The following CNOT7 variants were observed in gnomAD, a reference collection of about 807,000 sequenced individuals.
CNOT7 encodes the protein BTG1-binding factor 1.
Under a neutral mutation model 37.1 loss-of-function variants are expected in CNOT7, and 4 were observed. The observed-to-expected ratio is 0.11, with a 90% CI of 0.05 to 0.25. The LOEUF (loss-of-function observed/expected upper bound fraction) is 0.25. Ranked by LOEUF, CNOT7 falls within the 10% of genes least tolerant of loss-of-function variation. The probability of loss-of-function intolerance (pLI) is 1.00; values close to 1 mark genes in which losing one functional copy is unlikely to be tolerated. For missense variants in CNOT7, 170 were observed against 336.2 expected, an observed-to-expected ratio of 0.51 and a Z score of 3.87; for synonymous variants, 128 against 115.6, an observed-to-expected ratio of 1.11 and a Z score of -0.69.
intron 3 of CNOT7, chr8:17,242,087 T>C (rs1176275811): frequency 6.6e-6 from 1 of 151,986 alleles, no homozygotes; most frequent in Admixed American, 6.6e-5. Flanking sequence ...AGCCACACCA[T>C]TTCACCTAAC....
Position 17,245,183 on chromosome 8 carries a change from G to C in CNOT7, c.-31C>G. 6.4e-7 allele frequency: 1 copy of C among 1,573,822 alleles called. No homozygotes were observed. Among genetic ancestry groups the C allele is most frequent in the South Asian group, 1.2e-5 (1 of 85,380 alleles). On this transcript the variant is annotated 5_prime_UTR_variant, in exon 2 of 7. Coordinates refer to ENST00000361272, the MANE Select transcript of CNOT7 (RefSeq NM_013354.7). ...GGGCACAAGGGAGTCTAGATGCCAA[G>C]CATCAAAATGTTATACTTGATTGAA...
chr8:17,229,046 T>C lies in CNOT7; in HGVS notation c.*1674A>G, dbSNP rs1305672507. Reference sequence around the variant, plus strand: ...CTTAATTAGCTAGTTGAGGTACTCATAAAGAACAAGAATAAGCCAACACTT... The same window carrying C: ...CTTAATTAGCTAGTTGAGGTACTCACAAAGAACAAGAATAAGCCAACACTT... On this transcript the variant is annotated 3_prime_UTR_variant, in exon 7 of 7. Transcript: ENST00000361272. 2 of 151,898 alleles carry C rather than the reference T, an allele frequency of 1.3e-5. No individual in the cohort carries two copies. The highest frequency in any genetic ancestry group is 2.4e-5 in the African/African-American group (1 of 41,408). The allele number at this position is 151,898 out of a possible 1,614,324, so 9.4% of individuals were successfully genotyped here.
intron 3 of CNOT7, among the ~76,000 whole-genome samples, chr8:17,237,786 G>T (rs1809581237): frequency 6.6e-6 from 1 of 152,202 alleles, no homozygotes. Flanking sequence ...CATAGCTGTG[G>T]GGCATATGCC....
rs965948315 is a variant in CNOT7 at position 17,227,389 on chromosome 8, C to CAAAG, written c.*3327_*3330dup. 8.6e-5 allele frequency: 13 copies of CAAAG among 151,802 alleles called. No individual in the cohort carries two copies. Among genetic ancestry groups the CAAAG allele is most frequent in the African/African-American group, 3.1e-4 (13 of 41,396 alleles). 9.4% of individuals were successfully genotyped at this position (151,802 alleles called of 1,614,324 possible). A position where few individuals can be genotyped will look rare whatever the true frequency, so the allele number is the denominator to read the frequency against. On this transcript the variant is annotated 3_prime_UTR_variant, in exon 7 of 7. Coordinates refer to ENST00000361272, the MANE Select transcript of CNOT7 (RefSeq NM_013354.7). ...CTAGGCAGTACTGACTAGTAAGAGG[C>CAAAG]AAAGAATTAACAGTGTCATTTGATG...
At chr8:17,234,026 C>T (rs1808989920) in intron 5 of CNOT7, among the ~76,000 whole-genome samples, 2 of 152,154 alleles carry the variant, frequency 1.3e-5, no homozygotes, top group South Asian at 4.1e-4. Context: ...TGCACTCCAG[C>T]CTGGGCGACA....
chr8:17,232,689 G>A, intron 5 of CNOT7, 152 bp from the exon 6 acceptor site: 4 of 642,628 alleles, frequency 6.2e-6, no homozygotes, highest in East Asian at 2.7e-5. Flanking sequence ...CAGAGAATGT[G>A]AATTACTAAT....
At position 17,245,028 on chromosome 8, in the gene CNOT7, G is replaced by T. The variant is rs1280547847; in HGVS notation, c.117+8C>A. 2 of 1,604,692 alleles carry T rather than the reference G, an allele frequency of 1.2e-6. No individual in the cohort carries two copies. The highest frequency in any genetic ancestry group is 4.5e-5 in the East Asian group (2 of 44,760). ...TGAAGCGTTTTAAAGATCTGCTTGT[G>T]GGCATACCATAGCAACGTAATTATA... On this transcript the variant is annotated splice_region_variant and intron_variant, in intron 2 of 6. Coordinates refer to ENST00000361272, the MANE Select transcript of CNOT7 (RefSeq NM_013354.7).
intron 3 of CNOT7, among the ~76,000 whole-genome samples, chr8:17,237,769 C>A (rs1471555839): frequency 1.3e-5 from 2 of 152,222 alleles, no homozygotes; most frequent in Non-Finnish European, 2.9e-5. Flanking sequence ...CCAGATGGAG[C>A]TGCAGCCATA....
chr8:17,245,833 A>G (rs1016901770), intron 1 of CNOT7: 3 of 152,188 alleles, frequency 2.0e-5, no homozygotes, highest in African/African-American at 7.2e-5. Context: ...AACGTCTAAA[A>G]CTTAGAGCAT....
chr8:17,236,666 A>G (rs1563197286), intron 4 of CNOT7, among the ~76,000 whole-genome samples: 2 of 152,276 alleles, frequency 1.3e-5, no homozygotes, highest in East Asian at 3.9e-4. Flanking sequence ...CTGTTTTGAG[A>G]TAGTACTTAT....
chr8:17,231,544 A>G (rs759089619), intron 6 of CNOT7: 11 of 985,204 alleles, frequency 1.1e-5, no homozygotes, highest in Non-Finnish European at 1.3e-5. Flanking sequence ...GCTTTCTATT[A>G]TCAATACATT....
intron 3 of CNOT7, among the ~76,000 whole-genome samples, chr8:17,239,880 T>A (rs149659146): frequency 1.5e-4 from 23 of 152,350 alleles, no homozygotes; most frequent in African/African-American, 4.8e-4. Context: ...TCACAGCTCA[T>A]CAGTACTCCA....
At chr8:17,233,006 A>T (rs1014948952) in intron 5 of CNOT7, among the ~76,000 whole-genome samples, 1 of 152,214 alleles carries the variant, frequency 6.6e-6, no homozygotes, top group African/African-American at 2.4e-5. Context: ...CATTAAGAGT[A>T]TGCTAAATGC....
chr8:17,239,414 AG>A (rs1360242429), intron 3 of CNOT7, among the ~76,000 whole-genome samples: 2 of 152,100 alleles, frequency 1.3e-5, no homozygotes, highest in East Asian at 1.9e-4. Context: ...CCTTAAATGA[AG>A]CATCAGCATC....
chr8:17,238,603 C>T (rs570208759), intron 3 of CNOT7, among the ~76,000 whole-genome samples: 10 of 151,612 alleles, frequency 6.6e-5, no homozygotes, highest in African/African-American at 2.4e-4. Context: ...GGTCCCAGTG[C>T]TCACACTGAG....
At chr8:17,237,125 C>A in intron 4 of CNOT7, 87 bp downstream of exon 4, 1 of 1,318,500 alleles carries the variant, frequency 7.6e-7, no homozygotes, top group Non-Finnish European at 1.1e-6. Context: ...AGAATTAAAC[C>A]TGAAATTGCT....
In CNOT7 at chr8:17,246,755, G is replaced by A. The variant is rs1256567037; in HGVS notation, c.-176C>T. ...GGCGGCGGTGGCGGTGGCGGTGGCGGTAGCGGCGGCGGCAGCGGGTGCCCC... is the reference window on the plus strand; with the variant it reads ...GGCGGCGGTGGCGGTGGCGGTGGCGATAGCGGCGGCGGCAGCGGGTGCCCC... On this transcript the variant is annotated 5_prime_UTR_variant, in exon 1 of 7. Transcript: ENST00000361272. The A allele has an allele frequency of 1.6e-5, 3 of 186,374 alleles. No individual in the cohort carries two copies. Among genetic ancestry groups the A allele is most frequent in the East Asian group, 1.8e-4 (1 of 5,568 alleles). The allele number at this position is 186,374 out of a possible 1,614,324, so 11.5% of individuals were successfully genotyped here.
In CNOT7 at chr8:17,230,555, T is replaced by C. The variant is rs191440690; in HGVS notation, c.*165A>G. ...GTTTTTTTTTTTCTTTTTATTAAGA[T>C]CTGAGATAGGAACGGTCATACTTAG... is the stretch of plus-strand genomic sequence containing the variant. On this transcript the variant is annotated 3_prime_UTR_variant, in exon 7 of 7. Transcript: ENST00000361272. The C allele has an allele frequency of 2.3e-6, 1 of 436,190 alleles. No individual in the cohort carries two copies. The highest frequency in any genetic ancestry group is 3.7e-5 in the East Asian group (1 of 26,964). 27.0% of individuals were successfully genotyped at this position (436,190 alleles called of 1,614,324 possible).
At chr8:17,238,534 A>G (rs1809694780) in intron 3 of CNOT7, among the ~76,000 whole-genome samples, 1 of 151,270 alleles carries the variant, frequency 6.6e-6, no homozygotes, top group Admixed American at 6.6e-5. Context: ...TTTCCAGTGA[A>G]ACCACAGCTT....
Sources: allele counts gnomAD v4.1 joint callset (sites outside exome capture counted in the v4.1 genomes callset), GRCh38; gene constraint gnomAD v4.1.1; transcripts MANE v1.5; gene names NCBI Gene and HGNC (gene_info 2026-07-23, HGNC 2026-07-21).